The following GBP4 variants were observed in gnomAD, a reference collection of about 807,000 sequenced individuals.
The protein encoded by GBP4 is guanylate-binding protein 4.
In GBP4, 69 loss-of-function variants were observed where a neutral mutation model predicts 62.2. The ratio of observed to expected loss-of-function variants is 1.11; its 90% CI spans 0.91 to 1.36. The LOEUF (loss-of-function observed/expected upper bound fraction) is 1.36. Among genes scored for constraint, GBP4 ranks in the 40% most tolerant of loss-of-function variants. The pLI is 0.00. For missense variants in GBP4, 697 were observed against 759.3 expected, an observed-to-expected ratio of 0.92 and a Z score of 0.96; for synonymous variants, 278 against 274.6, an observed-to-expected ratio of 1.01 and a Z score of -0.12.
rs745543939 is a variant in GBP4 at position 89,191,434 on chromosome 1, C to A, written c.743G>T (p.Cys248Phe). The A allele has an allele frequency of 6.8e-6, 11 of 1,614,192 alleles. No homozygotes were observed. The highest frequency in any genetic ancestry group is 3.3e-4 in the Middle Eastern group (2 of 6,062). The change falls in exon 6 of 11, where the codon TGC becomes TTC. Residue 248 changes from cysteine (C) to phenylalanine (F), a missense_variant. Cys to Phe is a radical substitution (Grantham distance 205). Coordinates refer to ENST00000355754, the MANE Select transcript of GBP4 (RefSeq NM_052941.5). ...CIRHFFRKRK[C>F]FVFDRPTNDK... ...ATTTGTAGGCCGGTCAAAGACAAAG[C>A]ACTTCCGTTTTCGGAAGAAATGCCT...
intron 5 of GBP4, 139 bp downstream of exon 5, chr1:89,192,765 G>T: frequency 5.7e-6 from 4 of 703,062 alleles, no homozygotes; most frequent in Non-Finnish European, 6.5e-6. Flanking sequence ...ATAATCACTT[G>T]TCAATCACCA....
chr1:89,197,336 A>C, intron 1 of GBP4, 32 bp from the exon 2 acceptor site: 2 of 1,592,788 alleles, frequency 1.3e-6, no homozygotes, highest in Admixed American at 1.7e-5. Context: ...TCAGTAGAAT[A>C]CAAGATCTTG....
rs1263430285 is a variant in GBP4 at position 89,198,858 on chromosome 1, T to G, written c.-24A>C. 2.5e-6 allele frequency: 4 copies of G among 1,612,332 alleles called. No individual in the cohort carries two copies. Among genetic ancestry groups the G allele is most frequent in the African/African-American group, 1.3e-5 (1 of 74,978 alleles). On this transcript the variant is annotated 5_prime_UTR_variant, in exon 1 of 11. Transcript: ENST00000355754. ...ATTGCTCTGTCCTCCTGCGCCTGGA[T>G]CCTCGAGAAACGGACTGTTCTTAGA...
chr1:89,188,534 CCCTCTGACTAT>C (rs747931068), intron 8 of GBP4, 37 bp downstream of exon 8: 32 of 1,477,806 alleles, frequency 2.2e-5, no homozygotes, highest in Non-Finnish European at 2.9e-5. Flanking sequence ...GCAACAAAAA[CCCTCTGACTAT>C]CCTCTGTTAT....
chr1:89,181,836 AT>A lies in GBP4; in HGVS notation c.*3417del, dbSNP rs1471624645. The A allele has an allele frequency of 2.5e-5, 3 of 121,408 alleles. No individual in the cohort carries two copies. The highest frequency in any genetic ancestry group is 3.4e-5 in the Non-Finnish European group (2 of 59,168). 7.5% of individuals were successfully genotyped at this position (121,408 alleles called of 1,614,324 possible). A position where few individuals can be genotyped will look rare whatever the true frequency, so the allele number is the denominator to read the frequency against. ...CATTTTTAATCTCATATTTTTGTCTATTTAAAAAATGTGGCGTTAATAACAT... is the reference window on the plus strand; with the variant it reads ...CATTTTTAATCTCATATTTTTGTCTATTAAAAAATGTGGCGTTAATAACAT... On this transcript the variant is annotated 3_prime_UTR_variant, in exon 11 of 11. Coordinates refer to ENST00000355754, the MANE Select transcript of GBP4 (RefSeq NM_052941.5).
At chr1:89,195,193 A>T (rs1407093946) in intron 3 of GBP4, 104 bp downstream of exon 3, 1 of 1,180,468 alleles carries the variant, frequency 8.5e-7, no homozygotes. Flanking sequence ...CTCATTATTC[A>T]TAATTAGATT....
chr1:89,193,446 A>G, intron 3 of GBP4, 34 bp from the exon 4 acceptor site: 1 of 1,493,690 alleles, frequency 6.7e-7, no homozygotes, highest in Admixed American at 1.7e-5. Flanking sequence ...ACTTAGGAGT[A>G]TTCTCTTCAT....
Position 89,193,393 on chromosome 1 carries a change from G to A in GBP4, c.383C>T (p.Ser128Leu), listed in dbSNP as rs371130470. The A allele has an allele frequency of 1.2e-5, 20 of 1,613,926 alleles. No homozygotes were observed. Among genetic ancestry groups the A allele is most frequent in the East Asian group, 2.2e-5 (1 of 44,896 alleles). Residue 128 changes from serine to leucine, a missense_variant, in exon 4 of 11, where the codon TCG (serine) becomes TTG (leucine). By Grantham distance (145) the Ser-to-Leu change is moderately radical (BLOSUM62 -2). Transcript: ENST00000355754. ...DVEKSNPKND[S>L]WIFALAVLLS... ...AAGCACAGCCAGGGCAAAGATCCAC[G>A]AGTCATTCTTAGGGTTACTCTAGAA...
chr1:89,196,710 T>C (rs1385543053), intron 2 of GBP4, among the ~76,000 whole-genome samples: 1 of 152,216 alleles, frequency 6.6e-6, no homozygotes, highest in Non-Finnish European at 1.5e-5. Flanking sequence ...AAATAGAGGA[T>C]ACACAAGAAT....
Position 89,193,347 on chromosome 1 carries a change from A to C in GBP4, c.429T>G (p.Tyr143Ter). The C allele has an allele frequency of 1.2e-6, 2 of 1,614,170 alleles. No homozygotes were observed. The highest frequency in any genetic ancestry group is 1.7e-6 in the Non-Finnish European group (2 of 1,180,002). The change falls in exon 4 of 11, where the codon TAT (tyrosine) becomes TAG (stop). Residue 143 changes from tyrosine to a stop codon, truncating the protein, a stop_gained. Transcript: ENST00000355754. LOFTEE classifies it high-confidence loss of function. The part of the protein sequence containing the change: ...LAVLLSSSFV[Y>*]NSVSTINHQA... ...GGTGGTTGATGGTGCTCACGCTGTT[A>C]TAGACAAAGCTGCTGCTTAGAAGCA... is the stretch of plus-strand genomic sequence containing the variant.
Position 89,185,295 on chromosome 1 carries a change from G to T in GBP4, c.1882C>A (p.Leu628Ile). Reference protein sequence around the residue: ...MIVTLPGASKLLGVGTKYLGS... With the variant: ...MIVTLPGASKILGVGTKYLGS... Reference sequence around the variant, plus strand: ...AGATATTTTGTCCCTACTCCAAGTAGCTTGGAAGCCCCAGGTAGAGTGACA... The same window carrying T: ...AGATATTTTGTCCCTACTCCAAGTATCTTGGAAGCCCCAGGTAGAGTGACA... The change falls in exon 11 of 11, where the codon CTA becomes ATA. Residue 628 changes from leucine (L) to isoleucine (I), a missense_variant. By Grantham distance (5) the Leu-to-Ile change is conservative. Transcript: ENST00000355754. The T allele has an allele frequency of 6.2e-7, 1 of 1,613,306 alleles. No individual in the cohort carries two copies. The highest frequency in any genetic ancestry group is 8.5e-7 in the Non-Finnish European group (1 of 1,179,342).
At chr1:89,188,430 C>T in intron 8 of GBP4, 152 bp downstream of exon 8, 1 of 688,918 alleles carries the variant, frequency 1.5e-6, no homozygotes, top group Non-Finnish European at 2.6e-6. Flanking sequence ...GAGTGTCTAA[C>T]TAACTGTGGA....
At chr1:89,195,490 C>T (rs958985032) in intron 2 of GBP4, 66 bp from the exon 3 acceptor site, 37 of 1,574,932 alleles carry the variant, frequency 2.3e-5, no homozygotes, top group African/African-American at 4.1e-5. Flanking sequence ...AGGATTACAC[C>T]GGTTAAACTT....
intron 1 of GBP4, among the ~76,000 whole-genome samples, chr1:89,198,069 A>C (rs973440842): frequency 6.6e-6 from 1 of 152,130 alleles, no homozygotes; most frequent in Non-Finnish European, 1.5e-5. Flanking sequence ...AAAGTAGGCA[A>C]AAAGTTAAAA....
chr1:89,195,480 A>G lies in GBP4; in HGVS notation c.236-56T>C, dbSNP rs1324331. 21,893 of 1,598,446 alleles carry G rather than the reference A, an allele frequency of 0.014. 2,384 individuals are homozygous for G. The African/African-American group carries it at 0.25, about 18-fold the overall frequency. On this transcript the variant is annotated intron_variant, in intron 2 of 10. Coordinates refer to ENST00000355754, the MANE Select transcript of GBP4 (RefSeq NM_052941.5). ...AACAGTGGATAGACCAGGATGTCCC[A>G]GGATTACACCGGTTAAACTTGTAGG...
intron 8 of GBP4, among the ~76,000 whole-genome samples, chr1:89,187,518 G>C (rs1365183221): frequency 6.6e-6 from 1 of 152,020 alleles, no homozygotes; most frequent in Non-Finnish European, 1.5e-5. Context: ...AAAATAATCA[G>C]TAAAATGAAA....
chr1:89,189,959 G>T, intron 7 of GBP4, 79 bp downstream of exon 7: 3 of 1,391,554 alleles, frequency 2.2e-6, no homozygotes, highest in South Asian at 1.3e-5. Context: ...GTAAGGAGAT[G>T]AACCATGGGG....
chr1:89,181,861 A>T lies in GBP4; in HGVS notation c.*3393T>A, dbSNP rs1478718083. 1 of 64,818 alleles carries T rather than the reference A, an allele frequency of 1.5e-5. No homozygotes were observed. Among genetic ancestry groups the T allele is most frequent in the Non-Finnish European group, 3.0e-5 (1 of 33,152 alleles). 4.0% of individuals were successfully genotyped at this position (64,818 alleles called of 1,614,324 possible). On this transcript the variant is annotated 3_prime_UTR_variant, in exon 11 of 11. Coordinates refer to ENST00000355754, the MANE Select transcript of GBP4 (RefSeq NM_052941.5). ...ATTTAAAAAATGTGGCGTTAATAACATTAAGCCAAGAGCCAAATCAGGAAT... is the reference window on the plus strand; with the variant it reads ...ATTTAAAAAATGTGGCGTTAATAACTTTAAGCCAAGAGCCAAATCAGGAAT...
intron 3 of GBP4, among the ~76,000 whole-genome samples, chr1:89,194,924 C>G (rs905233650): frequency 2.0e-5 from 3 of 152,206 alleles, no homozygotes; most frequent in Non-Finnish European, 2.9e-5. Context: ...AATGACTGAA[C>G]TAGCTTCTCA....
Sources: allele counts gnomAD v4.1 joint callset (sites outside exome capture counted in the v4.1 genomes callset), GRCh38; gene constraint gnomAD v4.1.1; transcripts MANE v1.5; gene names NCBI Gene and HGNC (gene_info 2026-07-23, HGNC 2026-07-21).